The following KCNQ2 variants were observed in gnomAD, a reference collection of about 807,000 sequenced individuals.
KCNQ2 encodes potassium voltage-gated channel subfamily Q member 2.
In KCNQ2, 14 loss-of-function variants were observed where a neutral mutation model predicts 84.8. The ratio of observed to expected loss-of-function variants is 0.17; its 90% CI spans 0.11 to 0.26. The LOEUF is 0.26. KCNQ2 is among the 10% of genes least tolerant of loss of function. KCNQ2 has a pLI of 1.00. For missense variants in KCNQ2, 788 were observed against 1,254.0 expected (o/e 0.63, Z 5.61); for synonymous variants, 599 against 554.1 (o/e 1.08, Z -1.14).
chr20:63,445,576 G>C, intron 2 of KCNQ2: 1 of 602,240 alleles, frequency 1.7e-6, no homozygotes, highest in South Asian at 2.0e-5. Flanking sequence ...GAACACAGCT[G>C]AGCATGAACA....
chr20:63,457,923 C>T (rs549694819), intron 1 of KCNQ2, among the ~76,000 whole-genome samples: 50 of 152,334 alleles, frequency 3.3e-4, no homozygotes, highest in African/African-American at 1.0e-3. Context: ...GACTTCGCAG[C>T]GCCTGCTCAC....
chr20:63,452,337 A>C (rs2081638380), intron 1 of KCNQ2, among the ~76,000 whole-genome samples: 2 of 152,232 alleles, frequency 1.3e-5, no homozygotes, highest in South Asian at 4.1e-4. Flanking sequence ...GCAGGCTGGA[A>C]ACTCAGCACG....
chr20:63,432,735 C>T (rs1319074294), intron 8 of KCNQ2, among the ~76,000 whole-genome samples: 2 of 125,574 alleles, frequency 1.6e-5, no homozygotes, highest in Admixed American at 1.6e-4. Context: ...AGGCTCCACC[C>T]TCAGGGAAGG....
At chr20:63,411,412 G>A (rs1171434925) in intron 15 of KCNQ2, among the ~76,000 whole-genome samples, 1 of 152,212 alleles carries the variant, frequency 6.6e-6, no homozygotes, top group Non-Finnish European at 1.5e-5. Context: ...TGTCCAGGGG[G>A]CACGGGCAGG....
rs62208003 is a variant in KCNQ2, at chr20:63,411,874, A to C, written c.1763+1576T>G. ...TGAAGGGGGCGGGGGACCCACAATC[A>C]TATCTATCCTGGCAGAGTAAACAAG... On this transcript the variant is annotated intron_variant, in intron 15 of 16. Coordinates refer to ENST00000359125, the MANE Select transcript of KCNQ2 (RefSeq NM_172107.4). The C allele has an allele frequency of 1.5e-5, 11 of 712,672 alleles. No homozygotes were observed. In the Admixed American group the frequency reaches 1.6e-4, roughly 11 times the overall value. The allele number at this position is 712,672 out of a possible 1,614,324, so 44.1% of individuals were successfully genotyped here.
At chr20:63,465,849 G>A (rs568552702) in intron 1 of KCNQ2, among the ~76,000 whole-genome samples, 3 of 152,190 alleles carry the variant, frequency 2.0e-5, no homozygotes, top group African/African-American at 7.2e-5. Flanking sequence ...TCCGCGTTCC[G>A]GGCACCGCCG....
intron 1 of KCNQ2, among the ~76,000 whole-genome samples, chr20:63,454,840 C>CACG (rs2081729848): frequency 6.6e-6 from 1 of 152,230 alleles, no homozygotes; most frequent in African/African-American, 2.4e-5. Flanking sequence ...GGGTCCCAGG[C>CACG]ACGACGAGCG....
intron 8 of KCNQ2, 142 bp downstream of exon 8, chr20:63,433,665 CCA>C (rs1283768047): frequency 1.3e-6 from 2 of 1,497,156 alleles, no homozygotes; most frequent in African/African-American, 2.8e-5. Context: ...TCGAAATAAA[CCA>C]CACACAGAAC....
intron 15 of KCNQ2, among the ~76,000 whole-genome samples, chr20:63,409,451 A>C (rs1228055762): frequency 6.6e-6 from 1 of 152,204 alleles, no homozygotes; most frequent in Non-Finnish European, 1.5e-5. Context: ...TCTGGTATCC[A>C]CAGAGTCACG....
chr20:63,419,445 G>A (rs926923150), intron 12 of KCNQ2, among the ~76,000 whole-genome samples, 174 bp downstream of exon 12: 24 of 152,246 alleles, frequency 1.6e-4, no homozygotes, highest in Non-Finnish European at 7.3e-5. Context: ...GCTCCGCCCT[G>A]CACGCAGCTG....
chr20:63,453,979 A>G (rs185281275), intron 1 of KCNQ2, among the ~76,000 whole-genome samples: 1 of 152,196 alleles, frequency 6.6e-6, no homozygotes, highest in Admixed American at 6.5e-5. Context: ...CTAAACTAAA[A>G]AAAACGAGGC....
At chr20:63,413,371 A>G (rs778476523) in intron 15 of KCNQ2, 79 bp downstream of exon 15, 5 of 1,581,160 alleles carry the variant, frequency 3.2e-6, no homozygotes, top group Non-Finnish European at 4.3e-6. Flanking sequence ...CTGCACTCCC[A>G]CCATGGGCCA....
At chr20:63,454,231 G>C (rs531203255) in intron 1 of KCNQ2, among the ~76,000 whole-genome samples, 2 of 152,118 alleles carry the variant, frequency 1.3e-5, no homozygotes, top group Admixed American at 1.3e-4. Flanking sequence ...CCCCCGCCTC[G>C]CCGGCCCGCA....
intron 11 of KCNQ2, chr20:63,423,923 G>A (rs887486452): frequency 3.5e-5 from 12 of 338,234 alleles, no homozygotes; most frequent in East Asian, 1.6e-4. Flanking sequence ...CCCCACCCCC[G>A]AGAAGCCGCC....
chr20:63,406,886 C>A lies in KCNQ2; in HGVS notation c.2377G>T (p.Val793Leu), dbSNP rs377227909. The A allele has an allele frequency of 6.8e-6, 11 of 1,611,722 alleles. No individual in the cohort carries two copies. The African/African-American group carries it at 1.5e-4, about 22-fold the overall frequency. ...DSDTSISIPSVDHEELERSFS... is the reference protein window; with the variant it reads ...DSDTSISIPSLDHEELERSFS... ...GAACGCTCCAGCTCCTCGTGGTCCA[C>A]GGACGGGATGGAGATGGACGTGTCG... The change falls in exon 17 of 17, where the codon GTG (valine) becomes TTG (leucine). Residue 793 changes from valine to leucine, a missense_variant. Coordinates refer to ENST00000359125, the MANE Select transcript of KCNQ2 (RefSeq NM_172107.4).
intron 15 of KCNQ2, among the ~76,000 whole-genome samples, chr20:63,409,259 TTC>T (rs1161828717): frequency 6.6e-6 from 1 of 152,142 alleles, no homozygotes; most frequent in African/African-American, 2.4e-5. Flanking sequence ...TTGCACAAGT[TTC>T]TGTGTGCACG....
Position 63,419,811 on chromosome 20 carries a change from C to T in KCNQ2, c.1248-139G>A, listed in dbSNP as rs576226858. 1.1e-4 allele frequency: 86 copies of T among 750,448 alleles called. 1 individual carries two copies. In the African/African-American group the frequency reaches 1.3e-3, roughly 11 times the overall value. 46.5% of individuals were successfully genotyped at this position (750,448 alleles called of 1,614,324 possible). ...AGAGCTTGCGCCCAAGCAAGGCCAGCGAGGAAGGTGCACCATCGTCTCCAC... is the reference window on the plus strand; with the variant it reads ...AGAGCTTGCGCCCAAGCAAGGCCAGTGAGGAAGGTGCACCATCGTCTCCAC... On this transcript the variant is annotated intron_variant, in intron 11 of 16. Transcript: ENST00000359125.
In KCNQ2 at chr20:63,400,694, G is replaced by C. The variant is rs1306856862; in HGVS notation, c.*5950C>G. 1 of 398,542 alleles carries C rather than the reference G, an allele frequency of 2.5e-6. No homozygotes were observed. The highest frequency in any genetic ancestry group is 2.1e-5 in the African/African-American group (1 of 48,656). 24.7% of individuals were successfully genotyped at this position (398,542 alleles called of 1,614,324 possible). A position where few individuals can be genotyped will look rare whatever the true frequency, so the allele number is the denominator to read the frequency against. On this transcript the variant is annotated 3_prime_UTR_variant, in exon 17 of 17. Transcript: ENST00000359125. This position sits in a 1 kb window ranked among gnomAD's most constrained non-coding sequence, Gnocchi z 8.7. ...GGCCAGAGGATGGCAGACTGCAATG[G>C]CGTGGGGCGCGGGCATGGCGGGCAC...
chr20:63,459,777 C>G (rs2081901687), intron 1 of KCNQ2: 1 of 152,250 alleles, frequency 6.6e-6, no homozygotes, highest in Non-Finnish European at 1.5e-5. Context: ...ACCGTGTTGT[C>G]AAGGTCTGGG....
Sources: allele counts gnomAD v4.1 joint callset (sites outside exome capture counted in the v4.1 genomes callset), GRCh38; gene constraint gnomAD v4.1.1; non-coding constraint Gnocchi (gnomAD v3.1); transcripts MANE v1.5; gene names NCBI Gene and HGNC (gene_info 2026-07-23, HGNC 2026-07-21).